The following ZNF283 variants were observed in gnomAD, a reference collection of about 807,000 sequenced individuals.
ZNF283 encodes zinc finger protein 41.
In ZNF283, 10 loss-of-function variants were observed where a neutral mutation model predicts 9.2. The observed-to-expected ratio is 1.09, with a 90% CI of 0.67 to 1.85. ZNF283 has a LOEUF of 1.85. ZNF283 is among the 40% of genes most tolerant of loss of function. ZNF283 has a pLI of 0.00. For missense variants in ZNF283, 631 were observed against 760.1 expected, an observed-to-expected ratio of 0.83 and a Z score of 2.00; for synonymous variants, 234 against 244.1, an observed-to-expected ratio of 0.96 and a Z score of 0.38.
At chr19:43,830,599 A>G (rs1452873282) in intron 2 of ZNF283, among the ~76,000 whole-genome samples, 1 of 152,076 alleles carries the variant, frequency 6.6e-6, no homozygotes, top group African/African-American at 2.4e-5. Context: ...GCCGGGAAAG[A>G]GCTTGAAAAA....
In ZNF283 at chr19:43,847,295, GA is replaced by G; in HGVS notation, c.699del (p.Lys233AsnfsTer13). 6.2e-7 allele frequency: 1 copy of G among 1,613,796 alleles called. No homozygotes were observed. The highest frequency in any genetic ancestry group is 1.1e-5 in the South Asian group (1 of 91,064). On this transcript the variant is annotated frameshift_variant, in exon 7 of 7. Transcript: ENST00000618787. LOFTEE classifies it low-confidence loss of function (END_TRUNC). ...LVQHERTHTA[E>X]KHFECKECGK... ...TCAACATGAGAGAACTCATACAGCTGAAAAACACTTTGAATGTAAAGAATGT... is the reference window on the plus strand; with the variant it reads ...TCAACATGAGAGAACTCATACAGCTGAAAACACTTTGAATGTAAAGAATGT...
Position 43,835,490 on chromosome 19 carries a change from GT to G in ZNF283, c.123-11del. ...TGAGGCACACCTGGTTTAACGCTTC[GT>G]TTTCCCTCCCCAGTTCTGGCTTTTC... On this transcript the variant is annotated splice_polypyrimidine_tract_variant and intron_variant, in intron 4 of 6. Coordinates refer to ENST00000618787, the MANE Select transcript of ZNF283 (RefSeq NM_181845.2). 1 of 1,594,914 alleles carries G rather than the reference GT, an allele frequency of 6.3e-7. No homozygotes were observed. Among genetic ancestry groups the G allele is most frequent in the Non-Finnish European group, 8.6e-7 (1 of 1,166,460 alleles).
In ZNF283 at chr19:43,848,287, G is replaced by A; in HGVS notation, c.1686G>A (p.Gln562=). 1 of 1,613,132 alleles carries A rather than the reference G, an allele frequency of 6.2e-7. No homozygotes were observed. Residue 562 remains glutamine (Q), a synonymous_variant, in exon 7 of 7, where the codon CAG becomes CAA. Coordinates refer to ENST00000618787, the MANE Select transcript of ZNF283 (RefSeq NM_181845.2). ...GTGGCTATCACCTTACTCAACATCA[G>A]AAAATTCATACCGGTGAGAAACCTT... ...FSRGYHLTQH[Q]KIHTGEKPFK... is the part of the protein sequence containing the mutation.
At chr19:43,844,097 T>C (rs8099861) in intron 6 of ZNF283, among the ~76,000 whole-genome samples, 61,525 of 151,998 alleles carry the variant, frequency 0.4, 12,879 homozygotes, top group South Asian at 0.55. Flanking sequence ...TTTTGTTTTG[T>C]TTTAGAAAAG....
Position 43,848,570 on chromosome 19 carries a change from A to G in ZNF283, c.1969A>G (p.Asn657Asp). The G allele has an allele frequency of 1.9e-6, 3 of 1,596,804 alleles. No individual in the cohort carries two copies. In the South Asian group the frequency reaches 3.4e-5, roughly 18 times the overall value. Residue 657 changes from asparagine (N) to aspartate (D), a missense_variant, in exon 7 of 7, where the codon AAC becomes GAC. Coordinates refer to ENST00000618787, the MANE Select transcript of ZNF283 (RefSeq NM_181845.2). ...THSNDKPYKY[N>D]ECGEAFLWTT... is the part of the protein sequence containing the mutation. ...TAGTAATGATAAACCCTACAAATAT[A>G]ACGAATGTGGGGAAGCCTTTCTGTG...
rs111879759 is a variant in ZNF283 at position 43,848,486 on chromosome 19, C to T, written c.1885C>T (p.Arg629Cys). 1.8e-5 allele frequency: 29 copies of T among 1,613,318 alleles called. No individual in the cohort carries two copies. The highest frequency in any genetic ancestry group is 8.9e-5 in the East Asian group (4 of 44,880). The change falls in exon 7 of 7, where the codon CGT (arginine) becomes TGT (cysteine). Residue 629 changes from arginine to cysteine, a missense_variant. Arg to Cys is a radical substitution (Grantham distance 180). Around this residue, in one of 3 missense-constraint regions of ZNF283, gnomAD observed 444 missense variants for 522.5 expected, o/e 0.85. Coordinates refer to ENST00000618787, the MANE Select transcript of ZNF283 (RefSeq NM_181845.2). ...RFHTGEKLYQ[R>C]KEFGKTFTCG... The stretch of plus-strand genomic sequence containing the variant: ...TCATACTGGTGAGAAGCTTTATCAA[C>T]GTAAGGAATTCGGGAAGACCTTTAC...
In ZNF283 at chr19:43,845,305, G is replaced by A. The variant is rs79837450; in HGVS notation, c.338-1634G>A. On this transcript the variant is annotated intron_variant, in intron 6 of 6. Coordinates refer to ENST00000618787, the MANE Select transcript of ZNF283 (RefSeq NM_181845.2). ...TCTAGTATCTTTTGTAAGCGAAAGA[G>A]CAAATCTTTGTGCTTGCTCAGTGGC... Among the ~76,000 whole-genome samples the A allele has an allele frequency of 2.6e-5, 4 of 152,254 alleles. No individual in the cohort carries two copies. The East Asian group carries it at 7.7e-4, about 29-fold the overall frequency.
chr19:43,846,074 TA>T (rs1971391220), intron 6 of ZNF283, among the ~76,000 whole-genome samples: 1 of 152,160 alleles, frequency 6.6e-6, no homozygotes, highest in Non-Finnish European at 1.5e-5. Context: ...AATATCTTCT[TA>T]GGAACTTTTT....
chr19:43,831,387 T>A lies in ZNF283; in HGVS notation c.-1+6T>A. 1 of 1,592,696 alleles carries A rather than the reference T, an allele frequency of 6.3e-7. No individual in the cohort carries two copies. Among genetic ancestry groups the A allele is most frequent in the African/African-American group, 1.3e-5 (1 of 74,978 alleles). ...TACAGGATGTTCGAGAGCTGGTAGG[T>A]GTAAATTGTTTCAGGCCCACTGATT... On this transcript the variant is annotated splice_donor_region_variant and intron_variant, in intron 3 of 6. Coordinates refer to ENST00000618787, the MANE Select transcript of ZNF283 (RefSeq NM_181845.2).
intron 6 of ZNF283, among the ~76,000 whole-genome samples, chr19:43,843,916 A>T (rs540768652): frequency 8.5e-5 from 13 of 152,330 alleles, no homozygotes; most frequent in African/African-American, 3.1e-4. Context: ...TTTTCCAACT[A>T]TGTACCATGA....
At chr19:43,838,345 G>A (rs921474993) in intron 6 of ZNF283, among the ~76,000 whole-genome samples, 6 of 152,168 alleles carry the variant, frequency 3.9e-5, no homozygotes, top group African/African-American at 1.2e-4. Context: ...TTGTGGAACT[G>A]GGCACAGTGG....
intron 6 of ZNF283, among the ~76,000 whole-genome samples, chr19:43,843,958 T>A (rs987975182): frequency 6.6e-6 from 1 of 152,212 alleles, no homozygotes; most frequent in African/African-American, 2.4e-5. Flanking sequence ...ACTTCATATA[T>A]ATGATTTTCT....
At chr19:43,833,156 C>G (rs1568414660) in intron 3 of ZNF283, among the ~76,000 whole-genome samples, 1 of 151,420 alleles carries the variant, frequency 6.6e-6, no homozygotes, top group Non-Finnish European at 1.5e-5. Flanking sequence ...GATGAGGAAA[C>G]AGAGGTATTG....
rs1970560866 is a variant in ZNF283, at chr19:43,828,341, G to A, written c.-65+60G>A. ...CACATACAATTACCTTTGCTTCTAG[G>A]TCATGAGAACATTTTCTTTCCTTGG... On this transcript the variant is annotated intron_variant, in intron 2 of 6. Transcript: ENST00000618787. 2 of 152,062 alleles carry A rather than the reference G, an allele frequency of 1.3e-5. 1 individual carries two copies. Among genetic ancestry groups the A allele is most frequent in the South Asian group, 4.1e-4 (2 of 4,822 alleles). The allele number at this position is 152,062 out of a possible 1,614,324, so 9.4% of individuals were successfully genotyped here. A position where few individuals can be genotyped will look rare whatever the true frequency, so the allele number is the denominator to read the frequency against.
chr19:43,844,356 G>A (rs1484870226), intron 6 of ZNF283, among the ~76,000 whole-genome samples: 1 of 152,140 alleles, frequency 6.6e-6, no homozygotes, highest in Non-Finnish European at 1.5e-5. Context: ...TAACTAAAAT[G>A]TTAAATCTAA....
chr19:43,836,419 G>A (rs907223975), intron 5 of ZNF283, among the ~76,000 whole-genome samples: 9 of 152,166 alleles, frequency 5.9e-5, no homozygotes, highest in African/African-American at 1.7e-4. Context: ...TCGGCTCACT[G>A]CAACTTCTCC....
rs1269255321 is a variant in ZNF283 at position 43,837,143 on chromosome 19, G to A, written c.301G>A (p.Val101Ile). 2 of 1,613,044 alleles carry A rather than the reference G, an allele frequency of 1.2e-6. No homozygotes were observed. Among genetic ancestry groups the A allele is most frequent in the South Asian group, 2.2e-5 (2 of 90,906 alleles). Residue 101 changes from valine to isoleucine, a missense_variant, in exon 6 of 7, where the codon GTA becomes ATA. Physicochemically the swap from Val to Ile is conservative, Grantham distance 29. This residue lies in a region of ZNF283 where 184 missense variants were observed against 220.0 expected (regional missense o/e 0.84). Coordinates refer to ENST00000618787, the MANE Select transcript of ZNF283 (RefSeq NM_181845.2). Reference sequence around the variant, plus strand: ...TGCTCAGAGGGACTTGTACGTGGATGTAATGTTGGAGAACTATAGTAACTT... The same window carrying A: ...TGCTCAGAGGGACTTGTACGTGGATATAATGTTGGAGAACTATAGTAACTT... ...DPAQRDLYVD[V>I]MLENYSNLVS...
chr19:43,829,377 T>A (rs1012833928), intron 2 of ZNF283, among the ~76,000 whole-genome samples: 3 of 151,984 alleles, frequency 2.0e-5, no homozygotes, highest in Non-Finnish European at 1.5e-5. Context: ...AGAGAGAGAC[T>A]CCATCTCGAA....
chr19:43,830,512 T>C (rs1014295026), intron 2 of ZNF283, among the ~76,000 whole-genome samples: 5 of 152,168 alleles, frequency 3.3e-5, no homozygotes, highest in Admixed American at 3.3e-4. Flanking sequence ...AAAGTGTCTA[T>C]AATTTCATGA....
Sources: allele counts gnomAD v4.1 joint callset (sites outside exome capture counted in the v4.1 genomes callset), GRCh38; gene constraint gnomAD v4.1.1; regional missense constraint gnomAD v4.1.1; transcripts MANE v1.5; gene names NCBI Gene and HGNC (gene_info 2026-07-23, HGNC 2026-07-21).